The following LTN1 variants were observed in gnomAD, a reference collection of about 807,000 sequenced individuals.
The protein encoded by LTN1 is E3 ubiquitin-protein ligase listerin.
In LTN1, 88 loss-of-function variants were observed where a neutral mutation model predicts 201.2. The ratio of observed to expected loss-of-function variants is 0.44; its 90% CI spans 0.37 to 0.52. LTN1 has a LOEUF of 0.52. LTN1 is among the 20% of genes least tolerant of loss of function. LTN1 has a pLI of 0.00. For synonymous variants in LTN1, 645 were observed against 713.5 expected, an observed-to-expected ratio of 0.90 and a Z score of 1.53; for missense variants, 1,752 against 2,038.7, an observed-to-expected ratio of 0.86 and a Z score of 2.71.
chr21:28,950,536 G>A (rs1466119741), intron 18 of LTN1, among the ~76,000 whole-genome samples: 2 of 152,062 alleles, frequency 1.3e-5, no homozygotes, highest in African/African-American at 4.8e-5. Context: ...CTTGTTTTGA[G>A]ACTGGGTCTC....
In LTN1 at chr21:28,931,038, T is replaced by C. The variant is rs1227422133; in HGVS notation, c.5238+117A>G. On this transcript the variant is annotated intron_variant, in intron 29 of 29. Coordinates refer to ENST00000361371, the MANE Select transcript of LTN1 (RefSeq NM_015565.3). ...AGCTACAATTAAGTTTAACACACAT[T>C]TTCTCTTCCGAAGTTAGACATTGTG... 4.7e-6 allele frequency: 3 copies of C among 637,128 alleles called. No homozygotes were observed. The African/African-American group carries it at 5.7e-5, about 12-fold the overall frequency. The allele number at this position is 637,128 out of a possible 1,614,324, so 39.5% of individuals were successfully genotyped here. A position where few individuals can be genotyped will look rare whatever the true frequency, so the allele number is the denominator to read the frequency against.
At position 28,935,343 on chromosome 21, in the gene LTN1, A is replaced by C; in HGVS notation, c.4655-14T>G. 1 of 1,495,654 alleles carries C rather than the reference A, an allele frequency of 6.7e-7. No individual in the cohort carries two copies. Among genetic ancestry groups the C allele is most frequent in the Admixed American group, 1.7e-5 (1 of 58,384 alleles). 92.6% of individuals were successfully genotyped at this position (1,495,654 alleles called of 1,614,324 possible). On this transcript the variant is annotated splice_polypyrimidine_tract_variant and intron_variant, in intron 26 of 29. Transcript: ENST00000361371. ...GCATTGTTGTTTCTGAGGAAAAAAC[A>C]AATTATTGATTAGTAACATATATTT...
In LTN1 at chr21:28,970,534, A is replaced by G. The variant is rs919454527; in HGVS notation, c.1175+18T>C. 3 of 1,560,550 alleles carry G rather than the reference A, an allele frequency of 1.9e-6. No individual in the cohort carries two copies. Among genetic ancestry groups the G allele is most frequent in the African/African-American group, 2.8e-5 (2 of 72,664 alleles). On this transcript the variant is annotated intron_variant, in intron 8 of 29. Transcript: ENST00000361371. ...AAAATCTGTTTTGTTTTAAAAATCA[A>G]AAATTTAAATTACTTACCCAGCAAC... is the stretch of plus-strand genomic sequence containing the variant.
In LTN1 at chr21:28,941,289, G is replaced by T; in HGVS notation, c.4413C>A (p.Phe1471Leu). 6.2e-7 allele frequency: 1 copy of T among 1,613,426 alleles called. No homozygotes were observed. The highest frequency in any genetic ancestry group is 8.5e-7 in the Non-Finnish European group (1 of 1,179,590). The change falls in exon 25 of 30, where the codon TTC (phenylalanine) becomes TTA (leucine). Residue 1471 changes from phenylalanine to leucine, a missense_variant. Phe to Leu is a conservative substitution (Grantham distance 22, BLOSUM62 0). Coordinates refer to ENST00000361371, the MANE Select transcript of LTN1 (RefSeq NM_015565.3). The stretch of plus-strand genomic sequence containing the variant: ...TGAGAAGGTATCCCAGAACATAACA[G>T]AAGTCTTCACTCAGTGGTTTAATAG... ...IVTIKPLSED[F>L]CYVLGYLLTW...
chr21:28,971,488 T>G, intron 6 of LTN1, 44 bp from the exon 7 acceptor site: 5 of 1,566,524 alleles, frequency 3.2e-6, no homozygotes, highest in Middle Eastern at 1.7e-4. Context: ...CTAGTAAAAC[T>G]TGATAAGATT....
At chr21:28,990,142 AT>A (rs2084733709) in intron 1 of LTN1, among the ~76,000 whole-genome samples, 1 of 152,020 alleles carries the variant, frequency 6.6e-6, no homozygotes, top group South Asian at 2.1e-4. Context: ...ATTCTCTTCC[AT>A]TCTCCCACAT....
chr21:28,937,443 T>C (rs1003536817), intron 25 of LTN1, among the ~76,000 whole-genome samples: 1 of 152,210 alleles, frequency 6.6e-6, no homozygotes, highest in Non-Finnish European at 1.5e-5. Flanking sequence ...ATGGGGCATA[T>C]GAGGTATTTT....
At chr21:28,954,397 G>A (rs975039933) in intron 16 of LTN1, among the ~76,000 whole-genome samples, 4 of 152,128 alleles carry the variant, frequency 2.6e-5, no homozygotes, top group Admixed American at 6.6e-5. Context: ...TCTTGTAAAA[G>A]TCACTCCACC....
In LTN1 at chr21:28,943,251, A is replaced by C. The variant is rs773499399; in HGVS notation, c.4295+11T>G. 1 of 1,559,868 alleles carries C rather than the reference A, an allele frequency of 6.4e-7. No individual in the cohort carries two copies. Among genetic ancestry groups the C allele is most frequent in the South Asian group, 1.1e-5 (1 of 87,946 alleles). On this transcript the variant is annotated intron_variant, in intron 24 of 29. Transcript: ENST00000361371. The stretch of plus-strand genomic sequence containing the variant: ...GAATTTAATAAAACAAATTATTTAA[A>C]AAAACCTTACAAGGCTGGCTCTTCT...
chr21:28,931,385 A>T, intron 28 of LTN1, 63 bp from the exon 29 acceptor site: 1 of 919,020 alleles, frequency 1.1e-6, no homozygotes, highest in South Asian at 2.2e-5. Flanking sequence ...TTTTTATTCA[A>T]TTTCACAAAT....
Position 28,967,032 on chromosome 21 carries a change from G to A in LTN1, c.1459C>T (p.Leu487=). The A allele has an allele frequency of 6.2e-7, 1 of 1,614,098 alleles. No homozygotes were observed. The highest frequency in any genetic ancestry group is 8.5e-7 in the Non-Finnish European group (1 of 1,180,012). The change falls in exon 10 of 30, where the codon CTG becomes TTG. Residue 487 remains leucine, a synonymous_variant. Transcript: ENST00000361371. ...GACAGTCTTTCCCAGAAATGTATCA[G>A]TACGTTCTCCAAGTTGTGAGCTGTT... ...EKTAHNLENV[L]IHFWERLSEI... is the part of the protein sequence containing the mutation.
chr21:28,937,189 C>T (rs914291873), intron 25 of LTN1, among the ~76,000 whole-genome samples: 17 of 151,672 alleles, frequency 1.1e-4, no homozygotes, highest in Non-Finnish European at 2.1e-4. Flanking sequence ...AACAGAAAAA[C>T]GAGCCACCAG....
intron 18 of LTN1, among the ~76,000 whole-genome samples, chr21:28,951,547 A>C (rs2084382691): frequency 6.6e-6 from 1 of 152,242 alleles, no homozygotes; most frequent in Non-Finnish European, 1.5e-5. Context: ...AAAGGGCAAA[A>C]GAAAAGATTT....
intron 24 of LTN1, 119 bp from the exon 25 acceptor site, chr21:28,941,525 T>C (rs1275314486): frequency 1.4e-5 from 11 of 766,776 alleles, no homozygotes; most frequent in Admixed American, 1.3e-4. Context: ...AAAAACGTTT[T>C]AAAAATTCCC....
Position 28,986,844 on chromosome 21 carries a change from G to A in LTN1, c.133C>T (p.Leu45=), listed in dbSNP as rs1218975395. 6.2e-7 allele frequency: 1 copy of A among 1,613,804 alleles called. No individual in the cohort carries two copies. Among genetic ancestry groups the A allele is most frequent in the East Asian group, 2.2e-5 (1 of 44,872 alleles). ...CCTTGAATAGCAGGAACATAGCCTA[G>A]GTCACTCTGAGATGTTCCAAAACCA... ...FIGFGTSQSD[L]GYVPAIQGAE... is the part of the protein sequence containing the mutation. The change falls in exon 2 of 30, where the codon CTA becomes TTA. Residue 45 remains leucine, a synonymous_variant. Coordinates refer to ENST00000361371, the MANE Select transcript of LTN1 (RefSeq NM_015565.3). The surrounding 1 kb of genome is among the most constrained non-coding windows in gnomAD (Gnocchi z 4.1).
At chr21:28,981,090 A>C (rs373854513) in intron 6 of LTN1, 29 bp downstream of exon 6, 2 of 1,359,868 alleles carry the variant, frequency 1.5e-6, no homozygotes, top group Non-Finnish European at 2.0e-6. Flanking sequence ...AATCAGAGAA[A>C]TGTCTTAAGA....
At chr21:28,952,381 T>C in intron 17 of LTN1, 117 bp from the exon 18 acceptor site, 1 of 593,836 alleles carries the variant, frequency 1.7e-6, no homozygotes, top group Non-Finnish European at 3.0e-6. Context: ...TGTGATGGCA[T>C]CAATTCACCT....
intron 16 of LTN1, among the ~76,000 whole-genome samples, chr21:28,953,638 A>C (rs2084401580): frequency 6.6e-6 from 1 of 152,242 alleles, no homozygotes; most frequent in African/African-American, 2.4e-5. Flanking sequence ...AACCTAAGTT[A>C]CTAGAGATAC....
intron 25 of LTN1, among the ~76,000 whole-genome samples, chr21:28,939,060 T>C (rs538124808): frequency 6.6e-6 from 1 of 152,252 alleles, no homozygotes; most frequent in Non-Finnish European, 1.5e-5. Context: ...CAATCGCAGA[T>C]TGAAAACATT....
Sources: gnomAD v4.1 joint callset for allele counts (sites outside exome capture counted in the v4.1 genomes callset) on GRCh38, gnomAD v4.1.1 for gene constraint, Gnocchi (gnomAD v3.1) non-coding constraint, MANE v1.5 for transcripts, NCBI Gene and HGNC (gene_info 2026-07-23, HGNC 2026-07-21) for gene names.